Variants in MTG2 observed in about 807,000 individuals in gnomAD.
MTG2 encodes mitochondrial ribosome associated GTPase 2, also known as mitochondrial ribosome-associated GTPase 2.
Under a neutral mutation model 28.6 loss-of-function variants are expected in MTG2, and 23 were observed. That is an observed-to-expected ratio of 0.80 (90% confidence interval 0.58 to 1.14). The LOEUF is 1.14. MTG2 is among the 50% of genes most tolerant of loss of function. The pLI is 0.00. For missense variants in MTG2, 539 were observed against 552.0 expected, an observed-to-expected ratio of 0.98 and a Z score of 0.24; for synonymous variants, 260 against 251.8, an observed-to-expected ratio of 1.03 and a Z score of -0.31.
At chr20:62,188,454 C>G (rs183168443) in intron 1 of MTG2, among the ~76,000 whole-genome samples, 102 of 151,520 alleles carry the variant, frequency 6.7e-4, no homozygotes, top group African/African-American at 2.4e-3. Context: ...CCACCTTAGC[C>G]TCCTAAGTAG....
intron 1 of MTG2, among the ~76,000 whole-genome samples, chr20:62,184,239 TC>T (rs2057791247): frequency 6.6e-6 from 1 of 152,104 alleles, no homozygotes. Context: ...GCGCCTGTAA[TC>T]CCAGCTACTG....
intron 4 of MTG2, 79 bp downstream of exon 4, chr20:62,198,046 C>G: frequency 1.6e-6 from 2 of 1,284,468 alleles, no homozygotes; most frequent in Non-Finnish European, 2.2e-6. Context: ...GTGTGACCCA[C>G]GGGGCCCCTG....
At chr20:62,195,135 G>T (rs2058036172) in intron 2 of MTG2, among the ~76,000 whole-genome samples, 3 of 152,132 alleles carry the variant, frequency 2.0e-5, no homozygotes, top group Admixed American at 1.3e-4. Context: ...GGCAGAGCTT[G>T]CAGTGAGCCG....
At chr20:62,196,422 C>A (rs2058059261) in intron 3 of MTG2, among the ~76,000 whole-genome samples, 1 of 151,942 alleles carries the variant, frequency 6.6e-6, no homozygotes, top group Non-Finnish European at 1.5e-5. Flanking sequence ...CCTGTAATCC[C>A]AGAACTTTGG....
chr20:62,202,846 G>A lies in MTG2; in HGVS notation c.*1769G>A, dbSNP rs2058196386. 6.6e-6 allele frequency: 1 copy of A among 152,164 alleles called. No homozygotes were observed. Among genetic ancestry groups the A allele is most frequent in the Non-Finnish European group, 1.5e-5 (1 of 68,044 alleles). 9.4% of individuals were successfully genotyped at this position (152,164 alleles called of 1,614,324 possible). On this transcript the variant is annotated 3_prime_UTR_variant, in exon 7 of 7. Transcript: ENST00000370823. ...TGGAGGAGAGACGGCAGCCTCAGGT[G>A]AGATGAGCCGCAAGGGTCCGGGGCC...
rs115783986 is a variant in MTG2, at chr20:62,194,831, G to A, written c.205-971G>A. On this transcript the variant is annotated intron_variant, in intron 2 of 6. Transcript: ENST00000370823. ...AGCTGACCCTCCTGTGGTAGGAGCT[G>A]TTGTGTGTTGAACAGTAACCTGGTT... is the stretch of plus-strand genomic sequence containing the variant. 6.0e-3 allele frequency among the ~76,000 whole-genome samples: 916 copies of A among 152,308 alleles called. 9 individuals carry two copies. Among genetic ancestry groups the A allele is most frequent in the African/African-American group, 0.021 (865 of 41,572 alleles).
rs764831103 is a variant in MTG2 at position 62,200,955 on chromosome 20, G to A, written c.1099G>A (p.Val367Ile). ...SQLRDHLGQE[V>I]IVLSALTGEN... The stretch of plus-strand genomic sequence containing the variant: ...GCTCCGGGATCACTTGGGACAGGAG[G>A]TCATCGTGCTGTCGGCGTTGACCGG... Residue 367 changes from valine to isoleucine, a missense_variant, in exon 7 of 7, where the codon GTC (valine) becomes ATC (isoleucine). Coordinates refer to ENST00000370823, the MANE Select transcript of MTG2 (RefSeq NM_015666.4). 2 of 1,614,054 alleles carry A rather than the reference G, an allele frequency of 1.2e-6. No homozygotes were observed. The highest frequency in any genetic ancestry group is 1.7e-6 in the Non-Finnish European group (2 of 1,180,038).
rs745805281 is a variant in MTG2, at chr20:62,200,781, G to A, written c.925G>A (p.Val309Met). The A allele has an allele frequency of 3.5e-5, 57 of 1,613,724 alleles. No homozygotes were observed. Among genetic ancestry groups the A allele is most frequent in the East Asian group, 2.2e-4 (10 of 44,896 alleles). The change falls in exon 7 of 7, where the codon GTG becomes ATG. Residue 309 changes from valine (V) to methionine (M), a missense_variant. Coordinates refer to ENST00000370823, the MANE Select transcript of MTG2 (RefSeq NM_015666.4). ...HIERCRFLLF[V>M]VDLSQPEPWT... ...CGAGCGCTGCCGCTTTCTCTTGTTC[G>A]TGGTGGATCTTTCTCAGCCTGAGCC...
At chr20:62,185,428 AAAAT>A (rs1398451441) in intron 1 of MTG2, among the ~76,000 whole-genome samples, 1 of 151,176 alleles carries the variant, frequency 6.6e-6, no homozygotes, top group East Asian at 1.9e-4. Context: ...ATAAAAATAA[AAAAT>A]AAAAAATAAA....
chr20:62,190,512 C>T (rs554600770), intron 1 of MTG2, among the ~76,000 whole-genome samples: 1 of 152,344 alleles, frequency 6.6e-6, no homozygotes, highest in South Asian at 2.1e-4. Context: ...GTATTAGTGA[C>T]AAACTATGTT....
chr20:62,202,497 A>C lies in MTG2; in HGVS notation c.*1420A>C. ...TCTGGGCACGGTGGCTCATGCCTGT[A>C]GTCCCAGCACTTTGGGAGGCCGAGG... On this transcript the variant is annotated 3_prime_UTR_variant, in exon 7 of 7. Transcript: ENST00000370823. 1 of 153,146 alleles carries C rather than the reference A, an allele frequency of 6.5e-6. No homozygotes were observed. The highest frequency in any genetic ancestry group is 1.5e-5 in the Non-Finnish European group (1 of 68,832). The allele number at this position is 153,146 out of a possible 1,614,324, so 9.5% of individuals were successfully genotyped here.
At chr20:62,184,163 C>T (rs991936352) in intron 1 of MTG2, among the ~76,000 whole-genome samples, 8 of 152,214 alleles carry the variant, frequency 5.3e-5, no homozygotes, top group South Asian at 2.1e-4. Flanking sequence ...TAAAGACCAG[C>T]CTGGCCAACA....
intron 1 of MTG2, among the ~76,000 whole-genome samples, chr20:62,183,559 C>T (rs2057768428): frequency 6.6e-6 from 1 of 152,252 alleles, no homozygotes; most frequent in Non-Finnish European, 1.5e-5. Context: ...CAGGGAGACG[C>T]ATTTCCAGAT....
chr20:62,188,916 A>G (rs1323055973), intron 1 of MTG2: 1 of 152,170 alleles, frequency 6.6e-6, no homozygotes, highest in Non-Finnish European at 1.5e-5. Flanking sequence ...ACCTGAAAAC[A>G]GTGTATATTG....
In MTG2 at chr20:62,191,035, ATATCT is replaced by A. The variant is rs767211629; in HGVS notation, c.-5-2378_-5-2374del. 7.2e-5 allele frequency among the ~76,000 whole-genome samples: 11 copies of A among 152,084 alleles called. No homozygotes were observed. In the East Asian group the frequency reaches 1.3e-3, roughly 19 times the overall value. On this transcript the variant is annotated intron_variant, in intron 1 of 6. Coordinates refer to ENST00000370823, the MANE Select transcript of MTG2 (RefSeq NM_015666.4). ...AGGTAGGGGTTGAGCAGCTCCATAAATATCTTAAAGTGCATGGAGGCCCGGTTTCT... is the reference window on the plus strand; with the variant it reads ...AGGTAGGGGTTGAGCAGCTCCATAAATAAAGTGCATGGAGGCCCGGTTTCT...
Position 62,193,567 on chromosome 20 carries a change from G to A in MTG2, c.147G>A (p.Ala49=), listed in dbSNP as rs748555624. 41 of 1,613,632 alleles carry A rather than the reference G, an allele frequency of 2.5e-5. No individual in the cohort carries two copies. Among genetic ancestry groups the A allele is most frequent in the Middle Eastern group, 1.7e-4 (1 of 5,844 alleles). The part of the protein sequence containing the change: ...ASPRLLSVGR[A]DLAKHQELPG... ...CCAGGCTGCTCTCGGTCGGCCGTGCGGACCTCGCCAAGCATCAGGAACTCC... is the reference window on the plus strand; with the variant it reads ...CCAGGCTGCTCTCGGTCGGCCGTGCAGACCTCGCCAAGCATCAGGAACTCC... The change falls in exon 2 of 7, where the codon GCG becomes GCA. Residue 49 remains alanine (A), a synonymous_variant. Transcript: ENST00000370823.
chr20:62,186,569 C>T lies in MTG2; in HGVS notation c.-6+3512C>T, dbSNP rs148787033. Among the ~76,000 whole-genome samples, 21 of 139,142 alleles carry T rather than the reference C, an allele frequency of 1.5e-4. No homozygotes were observed. In the East Asian group the frequency reaches 4.6e-3, roughly 30 times the overall value. The allele number at this position is 139,142 out of a possible 152,430, so 91.3% of individuals were successfully genotyped here. A position where few individuals can be genotyped will look rare whatever the true frequency, so the allele number is the denominator to read the frequency against. On this transcript the variant is annotated intron_variant, in intron 1 of 6. Transcript: ENST00000370823. ...TTTGAGATGGAGTCTTGCTCTGTCACCCAGGCTGGAGTGCGGTAACGTGAT... is the reference window on the plus strand; with the variant it reads ...TTTGAGATGGAGTCTTGCTCTGTCATCCAGGCTGGAGTGCGGTAACGTGAT...
chr20:62,200,819 T>C lies in MTG2; in HGVS notation c.963T>C (p.Val321=). Residue 321 remains valine, a synonymous_variant, in exon 7 of 7, where the codon GTT becomes GTC. Transcript: ENST00000370823. ...DLSQPEPWTQ[V]DDLKYELEMY... is the part of the protein sequence containing the mutation. ...CTCAGCCTGAGCCGTGGACTCAAGTTGACGATTTAAAATATGAACTGGAGA... is the reference window on the plus strand; with the variant it reads ...CTCAGCCTGAGCCGTGGACTCAAGTCGACGATTTAAAATATGAACTGGAGA... 6.2e-7 allele frequency: 1 copy of C among 1,613,950 alleles called. No homozygotes were observed.
rs992253562 is a variant in MTG2 at position 62,186,227 on chromosome 20, G to C, written c.-6+3170G>C. Among the ~76,000 whole-genome samples the C allele has an allele frequency of 9.9e-5, 15 of 152,106 alleles. 1 individual carries two copies. Among genetic ancestry groups the C allele is most frequent in the Admixed American group, 4.6e-4 (7 of 15,262 alleles). On this transcript the variant is annotated intron_variant, in intron 1 of 6. Coordinates refer to ENST00000370823, the MANE Select transcript of MTG2 (RefSeq NM_015666.4). ...CTCTTCACCTGTCTGCCCAGTTTCCGCAACTTTAAAATGAGGATGATGAAG... is the reference window on the plus strand; with the variant it reads ...CTCTTCACCTGTCTGCCCAGTTTCCCCAACTTTAAAATGAGGATGATGAAG...
Sources: gnomAD v4.1 joint callset for allele counts (sites outside exome capture counted in the v4.1 genomes callset) on GRCh38, gnomAD v4.1.1 for gene constraint, MANE v1.5 for transcripts, NCBI Gene and HGNC (gene_info 2026-07-23, HGNC 2026-07-21) for gene names.